Variants in WWOX observed in about 807,000 individuals in gnomAD.
WWOX encodes WW domain-containing oxidoreductase.
In WWOX, 69 loss-of-function variants were observed where a neutral mutation model predicts 46.2. That is an observed-to-expected ratio of 1.49 (90% confidence interval 1.23 to 1.82). WWOX has a LOEUF of 1.82. Among genes scored for constraint, WWOX ranks in the 40% most tolerant of loss-of-function variants. The pLI is 0.00. For synonymous variants in WWOX, 359 were observed against 202.6 expected, an observed-to-expected ratio of 1.77 and a Z score of -6.56; for missense variants, 919 against 542.6, an observed-to-expected ratio of 1.69 and a Z score of -6.89.
intron 8 of WWOX, among the ~76,000 whole-genome samples, chr16:78,856,786 T>C (rs2052576931): frequency 6.6e-6 from 1 of 152,184 alleles, no homozygotes; most frequent in African/African-American, 2.4e-5. Flanking sequence ...AACATACACA[T>C]TTACATATAC....
chr16:78,173,364 C>T (rs1478517788), intron 5 of WWOX, among the ~76,000 whole-genome samples: 3 of 152,078 alleles, frequency 2.0e-5, no homozygotes, highest in Non-Finnish European at 4.4e-5. Context: ...TGATGGTTCA[C>T]TGCAACCTTG....
At chr16:78,618,207 C>T (rs1268328839) in intron 8 of WWOX, among the ~76,000 whole-genome samples, 2 of 152,226 alleles carry the variant, frequency 1.3e-5, no homozygotes, top group African/African-American at 2.4e-5. Context: ...AAAGTCCTTG[C>T]TCTCCAACCT....
At chr16:79,099,336 A>C (rs2049142904) in intron 8 of WWOX, among the ~76,000 whole-genome samples, 1 of 152,160 alleles carries the variant, frequency 6.6e-6, no homozygotes, top group Admixed American at 6.5e-5. Context: ...TATCTTTCAC[A>C]TTTCTCTTTA....
chr16:78,626,575 A>G (rs1223623747), intron 8 of WWOX, among the ~76,000 whole-genome samples: 1 of 152,038 alleles, frequency 6.6e-6, no homozygotes, highest in Non-Finnish European at 1.5e-5. Context: ...GTTGATGGTG[A>G]CTCTGATTCA....
chr16:78,787,284 C>T (rs894843385), intron 8 of WWOX, among the ~76,000 whole-genome samples: 7 of 152,166 alleles, frequency 4.6e-5, no homozygotes, highest in Admixed American at 6.5e-5. Context: ...TTTACCATCC[C>T]CCGCTAAAGA....
At chr16:78,168,578 G>A (rs182555457) in intron 5 of WWOX, 28 of 152,054 alleles carry the variant, frequency 1.8e-4, no homozygotes, top group Admixed American at 1.6e-3. Context: ...AAGTCTGTCT[G>A]CTCCACCCCA....
chr16:78,149,844 G>A (rs763369200), intron 4 of WWOX, among the ~76,000 whole-genome samples: 24 of 152,266 alleles, frequency 1.6e-4, no homozygotes, highest in Admixed American at 4.6e-4. Flanking sequence ...GCTGCTTCTA[G>A]TGTGTGCTCT....
chr16:78,419,625 C>CAAAAAAAA (rs60762734), intron 6 of WWOX, among the ~76,000 whole-genome samples: 46 of 44,686 alleles, frequency 1.0e-3, no homozygotes, highest in South Asian at 1.9e-3. Flanking sequence ...CAAAAAATAG[C>CAAAAAAAA]AAAAAAAAAA....
intron 8 of WWOX, among the ~76,000 whole-genome samples, chr16:78,922,303 C>G (rs2045397113): frequency 6.6e-6 from 1 of 151,964 alleles, no homozygotes; most frequent in South Asian, 2.1e-4. Context: ...CATTAAGAGT[C>G]TCCAGAGTAT....
intron 8 of WWOX, among the ~76,000 whole-genome samples, chr16:78,756,053 G>T (rs1359990140): frequency 6.6e-6 from 1 of 152,126 alleles, no homozygotes; most frequent in Non-Finnish European, 1.5e-5. Flanking sequence ...GCATGAGAAG[G>T]CTCAGAATTC....
At chr16:78,461,479 G>T (rs916289401) in intron 8 of WWOX, among the ~76,000 whole-genome samples, 4 of 152,242 alleles carry the variant, frequency 2.6e-5, no homozygotes, top group African/African-American at 9.6e-5. Flanking sequence ...GTGTGCATAG[G>T]TGGGACTGCT....
chr16:78,943,707 A>T (rs1355395227), intron 8 of WWOX, among the ~76,000 whole-genome samples: 2 of 152,176 alleles, frequency 1.3e-5, no homozygotes, highest in Non-Finnish European at 2.9e-5. Flanking sequence ...GATTGCAGGG[A>T]TGGGACCAGC....
At chr16:78,499,013 G>A (rs990740438) in intron 8 of WWOX, among the ~76,000 whole-genome samples, 4 of 152,202 alleles carry the variant, frequency 2.6e-5, no homozygotes, top group Admixed American at 6.5e-5. Context: ...TGAAGTACAC[G>A]AGGTTTCTTA....
chr16:78,562,255 C>G (rs9925067), intron 8 of WWOX, among the ~76,000 whole-genome samples: 23,176 of 152,188 alleles, frequency 0.15, 1,917 homozygotes, highest in South Asian at 0.2. Context: ...AATGCTGCCT[C>G]TAGCTCTCAC....
intron 5 of WWOX, among the ~76,000 whole-genome samples, chr16:78,364,367 G>C (rs949322531): frequency 5.3e-5 from 8 of 152,106 alleles, no homozygotes; most frequent in African/African-American, 1.9e-4. Flanking sequence ...GCATTGTATC[G>C]GTTCTGATTT....
intron 8 of WWOX, among the ~76,000 whole-genome samples, chr16:78,806,883 C>T (rs891290161): frequency 6.6e-6 from 1 of 152,140 alleles, no homozygotes; most frequent in African/African-American, 2.4e-5. Context: ...TCGTGTCCTG[C>T]AGTGGGATAT....
chr16:78,383,716 C>T (rs568232940), intron 5 of WWOX, among the ~76,000 whole-genome samples: 2 of 152,176 alleles, frequency 1.3e-5, no homozygotes, highest in South Asian at 4.1e-4. Context: ...ATCCCCTGGA[C>T]TTACTGTATT....
intron 8 of WWOX, among the ~76,000 whole-genome samples, chr16:78,904,992 C>T (rs925495576): frequency 1.3e-5 from 2 of 152,160 alleles, no homozygotes; most frequent in Admixed American, 6.5e-5. Flanking sequence ...GTACCTCATC[C>T]TATAGTGTTA....
rs540176187 is a variant in WWOX, at chr16:78,517,895, C to A, written c.1056+85143C>A. ...TTTTTTTTTTACTCTGAATGTGTAACTTTAAATGAAGAACCAGGACACCTC... is the reference window on the plus strand; with the variant it reads ...TTTTTTTTTTACTCTGAATGTGTAAATTTAAATGAAGAACCAGGACACCTC... On this transcript the variant is annotated intron_variant, in intron 8 of 8. Transcript: ENST00000566780. Among the ~76,000 whole-genome samples, 576 of 104,582 alleles carry A rather than the reference C, an allele frequency of 5.5e-3. 5 individuals carry two copies. The highest frequency in any genetic ancestry group is 0.025 in the Middle Eastern group (2 of 80). The allele number at this position is 104,582 out of a possible 152,430, so 68.6% of individuals were successfully genotyped here.
Sources: gnomAD v4.1 joint callset for allele counts (sites outside exome capture counted in the v4.1 genomes callset) on GRCh38, gnomAD v4.1.1 for gene constraint, MANE v1.5 for transcripts, NCBI Gene and HGNC (gene_info 2026-07-23, HGNC 2026-07-21) for gene names.